Variants in ABCB5 observed in about 807,000 individuals in gnomAD.
ABCB5 encodes ATP-binding cassette sub-family B member 5.
Under a neutral mutation model 144.2 loss-of-function variants are expected in ABCB5, and 155 were observed. That is an observed-to-expected ratio of 1.08 (90% CI 0.94 to 1.23). The LOEUF (loss-of-function observed/expected upper bound fraction) is 1.23, where lower values mean the gene tolerates loss of function less well. Among genes scored for constraint, ABCB5 ranks in the 50% most tolerant of loss-of-function variants. The pLI, the probability that ABCB5 is intolerant of heterozygous loss-of-function variation, is 0.00. For missense variants in ABCB5, 1,830 were observed against 1,520.8 expected (o/e 1.20, Z -3.38); for synonymous variants, 610 against 528.6 (o/e 1.15, Z -2.11).
chr7:20,653,618 T>G (rs1289732350), intron 13 of ABCB5, among the ~76,000 whole-genome samples: 2 of 152,172 alleles, frequency 1.3e-5, no homozygotes, highest in Non-Finnish European at 2.9e-5. Context: ...ATAAAGGTAC[T>G]CCATGAATTC....
intron 20 of ABCB5, among the ~76,000 whole-genome samples, chr7:20,720,783 A>C (rs1221856688): frequency 4.6e-5 from 7 of 151,756 alleles, no homozygotes; most frequent in Non-Finnish European, 2.9e-5. Flanking sequence ...GTCTCTACTA[A>C]AAATACAAAA....
chr7:20,629,942 G>T (rs949641247), intron 4 of ABCB5, among the ~76,000 whole-genome samples: 1 of 152,148 alleles, frequency 6.6e-6, no homozygotes, highest in Non-Finnish European at 1.5e-5. Context: ...ACTAGAGACA[G>T]ATACCCTGAA....
chr7:20,687,999 C>T (rs1240558526), intron 16 of ABCB5, among the ~76,000 whole-genome samples: 4 of 152,118 alleles, frequency 2.6e-5, no homozygotes, highest in African/African-American at 9.7e-5. Flanking sequence ...CAACACCAGC[C>T]TGACCAACAT....
chr7:20,616,807 A>G (rs1173398033), intron 1 of ABCB5, among the ~76,000 whole-genome samples: 1 of 152,248 alleles, frequency 6.6e-6, no homozygotes, highest in Non-Finnish European at 1.5e-5. Flanking sequence ...GGGGGCAGCC[A>G]TCATAGTCAA....
chr7:20,700,547 T>C (rs1419490019), intron 19 of ABCB5, among the ~76,000 whole-genome samples: 1 of 152,226 alleles, frequency 6.6e-6, no homozygotes. Context: ...TTAAGTTTTT[T>C]GACTCTACAC....
At chr7:20,623,636 G>A (rs1783846928) in intron 2 of ABCB5, among the ~76,000 whole-genome samples, 1 of 152,104 alleles carries the variant, frequency 6.6e-6, no homozygotes, top group African/African-American at 2.4e-5. Context: ...CAGAAGAAAG[G>A]CACCTGCAAA....
chr7:20,740,939 G>A (rs958054078), intron 24 of ABCB5, among the ~76,000 whole-genome samples: 3 of 151,546 alleles, frequency 2.0e-5, no homozygotes, highest in Admixed American at 6.6e-5. Context: ...AAGCCCCATC[G>A]CTAACAAAAA....
Position 20,728,392 on chromosome 7 carries a change from C to G in ABCB5, c.2804C>G (p.Ala935Gly). Residue 935 changes from alanine (A) to glycine (G), a missense_variant, in exon 23 of 28, where the codon GCA becomes GGA. Physicochemically the swap from Ala to Gly is moderately conservative, Grantham distance 60. Transcript: ENST00000404938. ...GCCTTTATATATTTTGCCTATGCGG[C>G]AGGGTTTCGATTTGGAGCCTATTTA... is the stretch of plus-strand genomic sequence containing the variant. The part of the protein sequence containing the change: ...SHAFIYFAYA[A>G]GFRFGAYLIQ... The G allele has an allele frequency of 6.2e-7, 1 of 1,614,106 alleles. No homozygotes were observed. Among genetic ancestry groups the G allele is most frequent in the Non-Finnish European group, 8.5e-7 (1 of 1,180,020 alleles).
chr7:20,672,853 T>C (rs1785492677), intron 14 of ABCB5, among the ~76,000 whole-genome samples: 1 of 152,190 alleles, frequency 6.6e-6, no homozygotes, highest in Non-Finnish European at 1.5e-5. Context: ...TGTGAGTTGT[T>C]TTCCAGACTG....
chr7:20,681,058 C>CTCTCTCTTTCTT (rs1554284134), intron 14 of ABCB5, among the ~76,000 whole-genome samples: 2 of 47,582 alleles, frequency 4.2e-5, no homozygotes, highest in African/African-American at 2.3e-4. Flanking sequence ...CTCTCTCTCT[C>CTCTCTCTTTCTT]TCTTTCTTTC....
intron 16 of ABCB5, among the ~76,000 whole-genome samples, chr7:20,694,331 T>G (rs1484007687): frequency 1.3e-5 from 2 of 151,958 alleles, no homozygotes; most frequent in East Asian, 3.9e-4. Context: ...ATTCAGAAAT[T>G]AATGTAATTC....
intron 5 of ABCB5, among the ~76,000 whole-genome samples, chr7:20,632,339 A>C (rs920015764): frequency 2.0e-5 from 3 of 152,144 alleles, no homozygotes; most frequent in African/African-American, 7.2e-5. Flanking sequence ...TAGTTGACAG[A>C]GTTGTCATCA....
At chr7:20,640,506 CGCT>C (rs1784273142) in intron 5 of ABCB5, among the ~76,000 whole-genome samples, 1 of 152,144 alleles carries the variant, frequency 6.6e-6, no homozygotes, top group East Asian at 1.9e-4. Flanking sequence ...CACTAAGGAG[CGCT>C]AGCCATCAGT....
intron 14 of ABCB5, among the ~76,000 whole-genome samples, chr7:20,677,779 C>T (rs972216720): frequency 2.6e-5 from 4 of 152,150 alleles, no homozygotes; most frequent in Admixed American, 2.0e-4. Context: ...GCCCCTCTTT[C>T]TACCTAGTCC....
intron 3 of ABCB5, among the ~76,000 whole-genome samples, chr7:20,627,959 C>T (rs891617395): frequency 1.3e-5 from 2 of 152,148 alleles, no homozygotes; most frequent in Admixed American, 1.3e-4. Flanking sequence ...CCACATCTGA[C>T]CTGACTTGTG....
rs141528038 is a variant in ABCB5, at chr7:20,689,576, A to C, written c.2010+3740A>C. Among the ~76,000 whole-genome samples the C allele has an allele frequency of 2.1e-3, 313 of 152,272 alleles. 2 individuals carry two copies. Among genetic ancestry groups the C allele is most frequent in the African/African-American group, 7.2e-3 (300 of 41,550 alleles). ...GCTCATAGTTATGCCTCTGTAACCT[A>C]AGCCAAGAGCTAGAGAAAGCACCCA... On this transcript the variant is annotated intron_variant, in intron 16 of 27. Transcript: ENST00000404938.
At chr7:20,623,415 A>T (rs1783841889) in intron 2 of ABCB5, 77 bp downstream of exon 2, 1 of 1,204,556 alleles carries the variant, frequency 8.3e-7, no homozygotes, top group African/African-American at 1.6e-5. Context: ...CTATAGCAAA[A>T]ATGTTTATAA....
At chr7:20,653,565 A>G (rs753791770) in intron 13 of ABCB5, among the ~76,000 whole-genome samples, 1 of 152,216 alleles carries the variant, frequency 6.6e-6, no homozygotes, top group Non-Finnish European at 1.5e-5. Context: ...CATGCATTGG[A>G]TGAGAGGTAA....
At chr7:20,716,381 T>C (rs767637250) in intron 20 of ABCB5, among the ~76,000 whole-genome samples, 13 of 152,176 alleles carry the variant, frequency 8.5e-5, no homozygotes, top group Non-Finnish European at 1.3e-4. Flanking sequence ...CAACAACACA[T>C]AATTATAATT....
Sources: allele counts gnomAD v4.1 joint callset (sites outside exome capture counted in the v4.1 genomes callset), GRCh38; gene constraint gnomAD v4.1.1; transcripts MANE v1.5; gene names NCBI Gene and HGNC (gene_info 2026-07-23, HGNC 2026-07-21).